Variants in TEAD1 observed in about 807,000 individuals in gnomAD.
The protein encoded by TEAD1 is transcriptional enhancer factor TEF-1.
TEAD1 carries 9 observed loss-of-function variants against 54.9 expected under a neutral mutation model. That is an observed-to-expected ratio of 0.16 (90% CI 0.10 to 0.29). TEAD1 has a LOEUF of 0.29. Ranked by LOEUF, TEAD1 falls within the 10% of genes least tolerant of loss-of-function variation. TEAD1 has a pLI of 1.00. For missense variants in TEAD1, 387 were observed against 535.9 expected (o/e 0.72, Z 2.74); for synonymous variants, 200 against 187.8 (o/e 1.07, Z -0.53).
intron 3 of TEAD1, among the ~76,000 whole-genome samples, chr11:12,835,892 A>C (rs1946879628): frequency 6.6e-6 from 1 of 152,156 alleles, no homozygotes; most frequent in South Asian, 2.1e-4. Context: ...AGTTAGGAGG[A>C]ATAAGTTCTA....
intron 3 of TEAD1, among the ~76,000 whole-genome samples, chr11:12,845,827 G>T (rs1309754113): frequency 6.6e-6 from 1 of 152,190 alleles, no homozygotes; most frequent in Non-Finnish European, 1.5e-5. Context: ...CATAGAATTG[G>T]TCGCCTCTCT....
At chr11:12,913,212 C>T (rs1948648523) in intron 10 of TEAD1, among the ~76,000 whole-genome samples, 1 of 152,132 alleles carries the variant, frequency 6.6e-6, no homozygotes, top group Admixed American at 6.5e-5. Flanking sequence ...GAGACCCCCT[C>T]TCCATGTGCA....
At chr11:12,804,800 C>T (rs1590168371) in intron 3 of TEAD1, among the ~76,000 whole-genome samples, 1 of 152,212 alleles carries the variant, frequency 6.6e-6, no homozygotes, top group East Asian at 1.9e-4. Flanking sequence ...CAAAAGAAAG[C>T]CCCTTTAGAG....
In TEAD1 at chr11:12,880,487, C is replaced by T. The variant is rs529723223; in HGVS notation, c.466-518C>T. Among the ~76,000 whole-genome samples, 3 of 152,294 alleles carry T rather than the reference C, an allele frequency of 2.0e-5. No individual in the cohort carries two copies. In the South Asian group the frequency reaches 6.2e-4, roughly 32 times the overall value. ...GCTTGACTCCTGAGGCTGCTCTTTC[C>T]CTCCTCTATGTCATGCCCCCTTTCC... On this transcript the variant is annotated intron_variant, in intron 6 of 12. Coordinates refer to ENST00000527636, the MANE Select transcript of TEAD1 (RefSeq NM_021961.6).
At chr11:12,722,646 TTTC>T (rs1293948739) in intron 2 of TEAD1, among the ~76,000 whole-genome samples, 11 of 139,606 alleles carry the variant, frequency 7.9e-5, no homozygotes, top group East Asian at 4.0e-4. Context: ...TTTCTCTCTC[TTTC>T]TTTTTTTTTT....
intron 2 of TEAD1, among the ~76,000 whole-genome samples, chr11:12,708,476 T>C (rs967961047): frequency 4.6e-5 from 7 of 152,022 alleles, no homozygotes; most frequent in African/African-American, 1.7e-4. Context: ...ACAGCCTTAA[T>C]TGGGATGGGG....
chr11:12,768,304 A>G (rs748888778), intron 3 of TEAD1, among the ~76,000 whole-genome samples: 2 of 152,216 alleles, frequency 1.3e-5, no homozygotes, highest in Non-Finnish European at 2.9e-5. Flanking sequence ...TTATTAGAAG[A>G]ATTAAATGAA....
At chr11:12,853,993 A>G (rs1947324053) in intron 3 of TEAD1, among the ~76,000 whole-genome samples, 1 of 151,938 alleles carries the variant, frequency 6.6e-6, no homozygotes, top group Non-Finnish European at 1.5e-5. Context: ...ATCTCCAGGG[A>G]TTGCTATTGT....
At chr11:12,719,949 G>GTTTTT (rs1200965763) in intron 2 of TEAD1, among the ~76,000 whole-genome samples, 8 of 39,994 alleles carry the variant, frequency 2.0e-4, no homozygotes, top group Admixed American at 4.5e-4. Flanking sequence ...GAAATCTAAT[G>GTTTTT]TTTTTTTTTT....
chr11:12,744,623 A>G (rs181250980), intron 2 of TEAD1, among the ~76,000 whole-genome samples: 5 of 152,342 alleles, frequency 3.3e-5, no homozygotes, highest in African/African-American at 9.6e-5. Context: ...GGATGTTTCT[A>G]TATGTTCCAC....
rs545007857 is a variant in TEAD1 at position 12,811,554 on chromosome 11, C to T, written c.202+47120C>T. On this transcript the variant is annotated intron_variant, in intron 3 of 12. Coordinates refer to ENST00000527636, the MANE Select transcript of TEAD1 (RefSeq NM_021961.6). ...CTTCTCCAAGGTCTGTGTGAGGGTTCGGCATTAGCATCTGGGAAGCCAGGG... is the reference window on the plus strand; with the variant it reads ...CTTCTCCAAGGTCTGTGTGAGGGTTTGGCATTAGCATCTGGGAAGCCAGGG... 1.2e-3 allele frequency among the ~76,000 whole-genome samples: 182 copies of T among 152,266 alleles called. 1 individual carries two copies. The highest frequency in any genetic ancestry group is 4.2e-3 in the African/African-American group (173 of 41,534).
At chr11:12,820,445 G>C (rs10466378) in intron 3 of TEAD1, among the ~76,000 whole-genome samples, 2 of 151,212 alleles carry the variant, frequency 1.3e-5, no homozygotes. Context: ...TCCCCAAAGC[G>C]TTCTCCTTCT....
chr11:12,674,994 G>C (rs1205172471), intron 1 of TEAD1, among the ~76,000 whole-genome samples, 160 bp downstream of exon 1: 2 of 141,946 alleles, frequency 1.4e-5, no homozygotes, highest in Non-Finnish European at 3.1e-5. Flanking sequence ...CCCCACACCC[G>C]CCTCCCCGCG....
At chr11:12,862,588 A>G (rs116958816) in intron 4 of TEAD1, among the ~76,000 whole-genome samples, 2,678 of 152,292 alleles carry the variant, frequency 0.018, 37 homozygotes, top group South Asian at 0.03. Context: ...CTGTATTTCA[A>G]AGCTGACATT....
chr11:12,826,951 C>T (rs757030840), intron 3 of TEAD1, among the ~76,000 whole-genome samples: 1 of 152,178 alleles, frequency 6.6e-6, no homozygotes, highest in Non-Finnish European at 1.5e-5. Flanking sequence ...CTTTGGGGCT[C>T]TTGTACTCCC....
intron 5 of TEAD1, among the ~76,000 whole-genome samples, chr11:12,870,023 G>A (rs1354130119): frequency 6.6e-6 from 1 of 152,004 alleles, no homozygotes; most frequent in African/African-American, 2.4e-5. Flanking sequence ...GGGATTACAG[G>A]CGCTCATCAC....
intron 1 of TEAD1, among the ~76,000 whole-genome samples, chr11:12,675,113 C>CCGCGCCCCCCG (rs1273910426): frequency 6.8e-6 from 1 of 147,496 alleles, no homozygotes; most frequent in East Asian, 2.0e-4. Context: ...GCCGGCCGCG[C>CCGCGCCCCCCG]CGCGCCCCCC....
intron 2 of TEAD1, among the ~76,000 whole-genome samples, chr11:12,716,371 T>C (rs1033065823): frequency 4.6e-5 from 7 of 152,140 alleles, no homozygotes; most frequent in Non-Finnish European, 1.0e-4. Flanking sequence ...AGCACCCTTT[T>C]TCTGCTGACA....
chr11:12,781,780 C>T (rs1945550968), intron 3 of TEAD1, among the ~76,000 whole-genome samples: 1 of 151,098 alleles, frequency 6.6e-6, no homozygotes, highest in East Asian at 1.9e-4. Flanking sequence ...AAAGACTCAC[C>T]ATAGAGTTAT....
Sources: gnomAD v4.1 joint callset for allele counts (sites outside exome capture counted in the v4.1 genomes callset) on GRCh38, gnomAD v4.1.1 for gene constraint, MANE v1.5 for transcripts, NCBI Gene and HGNC (gene_info 2026-07-23, HGNC 2026-07-21) for gene names.